PRKD1: variants seen among roughly 807,000 people sequenced by gnomAD.
PRKD1 encodes the protein protein kinase D1, also known as serine/threonine-protein kinase D1.
In PRKD1, 63 loss-of-function variants were observed where a neutral mutation model predicts 95.9. The ratio of observed to expected loss-of-function variants is 0.66; its 90% confidence interval spans 0.54 to 0.81. The LOEUF is 0.81. Ranked by LOEUF, PRKD1 falls within the 30% of genes least tolerant of loss-of-function variation. The pLI, the probability that PRKD1 is intolerant of heterozygous loss-of-function variation, is 0.00. For synonymous variants in PRKD1, 425 were observed against 423.1 expected, an observed-to-expected ratio of 1.00 and a Z score of -0.05; for missense variants, 1,048 against 1,165.3, an observed-to-expected ratio of 0.90 and a Z score of 1.47.
chr14:29,611,557 G>C (rs1878468360), intron 13 of PRKD1, among the ~76,000 whole-genome samples: 1 of 151,880 alleles, frequency 6.6e-6, no homozygotes, highest in Non-Finnish European at 1.5e-5. Flanking sequence ...CCCAACCAAG[G>C]TTAAAAGAGT....
Position 29,624,237 on chromosome 14 carries a change from CT to C in PRKD1, c.1819del (p.Arg607GlufsTer3). ...VYGGKHRKTG[R>X]DVAIKIIDKL... ...GTCAATGATTTTAATAGCTACATCT[CT>C]TCCTGTTTTACGATGTTTTCCTTTA... On this transcript the variant is annotated frameshift_variant, in exon 13 of 18. Transcript: ENST00000331968. LOFTEE classifies it high-confidence loss of function. 6.2e-7 allele frequency: 1 copy of C among 1,600,372 alleles called. No homozygotes were observed. The highest frequency in any genetic ancestry group is 8.5e-7 in the Non-Finnish European group (1 of 1,173,310).
chr14:29,663,252 G>T (rs1882292024), intron 4 of PRKD1, among the ~76,000 whole-genome samples: 1 of 149,920 alleles, frequency 6.7e-6, no homozygotes, highest in African/African-American at 2.5e-5. Context: ...CAATAAGCTG[G>T]CATGTATGCC....
chr14:29,875,682 C>CA (rs2139385773), intron 1 of PRKD1, among the ~76,000 whole-genome samples: 1 of 152,226 alleles, frequency 6.6e-6, no homozygotes, highest in South Asian at 2.1e-4. Flanking sequence ...TGCTGATGTC[C>CA]ATTTAAACAA....
At chr14:29,886,141 G>A (rs1419114043) in intron 1 of PRKD1, among the ~76,000 whole-genome samples, 1 of 152,144 alleles carries the variant, frequency 6.6e-6, no homozygotes, top group Non-Finnish European at 1.5e-5. Context: ...ACGGAAGGAG[G>A]AAAGAGACTT....
chr14:29,915,723 C>T (rs1894867468), intron 1 of PRKD1, among the ~76,000 whole-genome samples: 1 of 152,156 alleles, frequency 6.6e-6, no homozygotes, highest in Non-Finnish European at 1.5e-5. Flanking sequence ...TAATACCACA[C>T]TGTCAAAGTT....
intron 1 of PRKD1, among the ~76,000 whole-genome samples, chr14:29,741,600 A>C (rs17096026): frequency 0.042 from 6,369 of 152,116 alleles, 370 homozygotes; most frequent in African/African-American, 0.13. Context: ...CTAGTTAAAA[A>C]ACGTCAGATA....
chr14:29,654,931 G>A (rs781276241), intron 4 of PRKD1, among the ~76,000 whole-genome samples: 15 of 152,306 alleles, frequency 9.8e-5, no homozygotes, highest in South Asian at 4.1e-4. Flanking sequence ...CAAACTAGAC[G>A]TAAACAAAGT....
At chr14:29,820,158 A>G (rs1028020664) in intron 1 of PRKD1, among the ~76,000 whole-genome samples, 2 of 152,216 alleles carry the variant, frequency 1.3e-5, no homozygotes, top group Admixed American at 6.5e-5. Context: ...ACCCCTGGAA[A>G]TAAGGTTCAT....
chr14:29,754,845 T>C (rs1429809185), intron 1 of PRKD1, among the ~76,000 whole-genome samples: 1 of 152,146 alleles, frequency 6.6e-6, no homozygotes, highest in African/African-American at 2.4e-5. Flanking sequence ...TAGTATTTTT[T>C]ATCCAACTGA....
At chr14:29,710,459 C>T (rs553642101) in intron 2 of PRKD1, among the ~76,000 whole-genome samples, 26 of 152,196 alleles carry the variant, frequency 1.7e-4, no homozygotes, top group African/African-American at 6.3e-4. Context: ...ATGAGAAAGA[C>T]GTCCAATAAA....
rs550055059 is a variant in PRKD1 at position 29,626,576 on chromosome 14, GA to G, written c.1726-21del. 7.0e-5 allele frequency: 103 copies of G among 1,479,746 alleles called. No homozygotes were observed. Among genetic ancestry groups the G allele is most frequent in the South Asian group, 2.9e-4 (20 of 70,128 alleles). 91.7% of individuals were successfully genotyped at this position (1,479,746 alleles called of 1,614,324 possible). ...GATGTCCTAGAGGTACAAGCCCAAT[GA>G]AAAAAAAACATGAAGCAGAACAAAA... On this transcript the variant is annotated intron_variant, in intron 11 of 17. Coordinates refer to ENST00000331968, the MANE Select transcript of PRKD1 (RefSeq NM_002742.3).
intron 1 of PRKD1, among the ~76,000 whole-genome samples, chr14:29,753,815 A>G (rs1887582478): frequency 6.6e-6 from 1 of 152,088 alleles, no homozygotes; most frequent in Admixed American, 6.6e-5. Flanking sequence ...GATGTCTAGT[A>G]TATTCTACTT....
intron 4 of PRKD1, among the ~76,000 whole-genome samples, chr14:29,639,506 C>A (rs1483912319): frequency 6.6e-6 from 1 of 152,044 alleles, no homozygotes; most frequent in African/African-American, 2.4e-5. Context: ...GTAATCCCAG[C>A]TACTCGGTAT....
At chr14:29,810,730 T>C (rs1040456299) in intron 1 of PRKD1, among the ~76,000 whole-genome samples, 1 of 152,262 alleles carries the variant, frequency 6.6e-6, no homozygotes, top group Admixed American at 6.5e-5. Context: ...GCACCTGCTC[T>C]GGCTTTAAAA....
chr14:29,673,171 T>C (rs1042463090), intron 2 of PRKD1, among the ~76,000 whole-genome samples: 1 of 152,182 alleles, frequency 6.6e-6, no homozygotes, highest in Non-Finnish European at 1.5e-5. Flanking sequence ...TTATTATCTG[T>C]CCATTAAAAG....
chr14:29,888,323 G>A (rs1893811491), intron 1 of PRKD1, among the ~76,000 whole-genome samples: 2 of 149,886 alleles, frequency 1.3e-5, no homozygotes, highest in South Asian at 4.3e-4. Context: ...AGAAAAGAAA[G>A]AAAAGAAAGG....
intron 2 of PRKD1, among the ~76,000 whole-genome samples, chr14:29,669,156 G>A (rs2139227841): frequency 6.6e-6 from 1 of 152,218 alleles, no homozygotes; most frequent in African/African-American, 2.4e-5. Flanking sequence ...GGGAAAATAA[G>A]AAGCCATGAA....
chr14:29,615,347 T>A (rs1878781724), intron 13 of PRKD1, among the ~76,000 whole-genome samples: 1 of 152,192 alleles, frequency 6.6e-6, no homozygotes, highest in African/African-American at 2.4e-5. Flanking sequence ...AGATACCAAC[T>A]TAAAAATACA....
At chr14:29,810,691 G>A (rs993918576) in intron 1 of PRKD1, among the ~76,000 whole-genome samples, 2 of 152,180 alleles carry the variant, frequency 1.3e-5, no homozygotes, top group African/African-American at 4.8e-5. Flanking sequence ...CATTAGCTTG[G>A]CACTTAAGAA....
Sources: gnomAD v4.1 joint callset for allele counts (sites outside exome capture counted in the v4.1 genomes callset) on GRCh38, gnomAD v4.1.1 for gene constraint, MANE v1.5 for transcripts, NCBI Gene and HGNC (gene_info 2026-07-23, HGNC 2026-07-21) for gene names.